Variants in SLC71A2 observed in about 807,000 individuals in gnomAD.
SLC71A2 encodes hippocampus abundant transcript-like 1.
the SLC71A2 span, among the ~76,000 whole-genome samples, chr9:94,445,469 TAAAC>T: frequency 6.6e-6 from 1 of 152,208 alleles, no homozygotes; most frequent in Non-Finnish European, 1.5e-5. Context: ...TCATCCTTTT[TAAAC>T]AAAATAAGTG....
chr9:94,388,692 G>T, the SLC71A2 span, among the ~76,000 whole-genome samples: 2 of 151,820 alleles, frequency 1.3e-5, no homozygotes, highest in Non-Finnish European at 2.9e-5. Flanking sequence ...GTCTGGAAGG[G>T]TTTATACCAA....
chr9:94,434,291 A>G, the SLC71A2 span, among the ~76,000 whole-genome samples: 1 of 152,168 alleles, frequency 6.6e-6, no homozygotes, highest in African/African-American at 2.4e-5. Context: ...GTGGCTGAAT[A>G]GGAAATTTTA....
At chr9:94,432,837 C>G in the SLC71A2 span, 41,969 of 407,450 alleles carry the variant, frequency 0.1, 4,548 homozygotes, top group East Asian at 0.35. Context: ...GGCCAGAGGT[C>G]TTATAACTCC....
At chr9:94,454,041 A>T in the SLC71A2 span, 1 of 1,613,928 alleles carries the variant, frequency 6.2e-7, no homozygotes. Flanking sequence ...TGCTCCAGTT[A>T]GCCTGGTACG....
chr9:94,435,876 C>G, the SLC71A2 span, among the ~76,000 whole-genome samples: 1 of 152,032 alleles, frequency 6.6e-6, no homozygotes, highest in African/African-American at 2.4e-5. Context: ...GTCTTGAACT[C>G]CTGACCTCAG....
At chr9:94,458,400 A>AC in the SLC71A2 span, 2 of 1,614,086 alleles carry the variant, frequency 1.2e-6, no homozygotes, top group Non-Finnish European at 1.7e-6. Flanking sequence ...TTCATATTCT[A>AC]CATGTTCCAT....
At chr9:94,426,880 G>C in the SLC71A2 span, among the ~76,000 whole-genome samples, 1 of 152,070 alleles carries the variant, frequency 6.6e-6, no homozygotes. Flanking sequence ...TGTTGCCCAG[G>C]CTAGAGTGCA....
At chr9:94,440,923 C>T in the SLC71A2 span, 2 of 944,322 alleles carry the variant, frequency 2.1e-6, no homozygotes, top group Non-Finnish European at 3.3e-6. Flanking sequence ...GTCTTTGGCT[C>T]AGGTAATGAA....
At chr9:94,386,304 GTTATC>G in the SLC71A2 span, among the ~76,000 whole-genome samples, 3 of 148,052 alleles carry the variant, frequency 2.0e-5, no homozygotes, top group South Asian at 6.4e-4. Flanking sequence ...CTAATCTGCA[GTTATC>G]TTATTAGGCA....
At chr9:94,459,551 C>A in the SLC71A2 span, 17 of 703,582 alleles carry the variant, frequency 2.4e-5, no homozygotes, top group Non-Finnish European at 3.4e-5. Flanking sequence ...CCACCGCCAT[C>A]ATTCTGCTCA....
the SLC71A2 span, among the ~76,000 whole-genome samples, chr9:94,420,283 A>C: frequency 1.3e-5 from 2 of 152,162 alleles, no homozygotes; most frequent in Non-Finnish European, 2.9e-5. Context: ...TAACTTGACA[A>C]CACTCCAAAT....
chr9:94,410,632 G>T, the SLC71A2 span, among the ~76,000 whole-genome samples: 1 of 152,144 alleles, frequency 6.6e-6, no homozygotes, highest in African/African-American at 2.4e-5. Context: ...AAAATTGACA[G>T]AAGATGAACA....
At chr9:94,427,768 TATCTC>T in the SLC71A2 span, among the ~76,000 whole-genome samples, 1 of 147,648 alleles carries the variant, frequency 6.8e-6, no homozygotes. Context: ...CATAGTCTCT[TATCTC>T]TGATCTGATA....
the SLC71A2 span, chr9:94,438,362 A>C: frequency 1.2e-6 from 2 of 1,613,992 alleles, no homozygotes; most frequent in South Asian, 1.1e-5. Context: ...TTGAGGGATC[A>C]GATTATAAAA....
the SLC71A2 span, among the ~76,000 whole-genome samples, chr9:94,422,473 T>G: frequency 6.6e-6 from 1 of 152,260 alleles, no homozygotes; most frequent in East Asian, 1.9e-4. Context: ...GCTGTTGTAA[T>G]ATTTCTTGTA....
chr9:94,453,977 T>C, the SLC71A2 span: 1 of 1,613,702 alleles, frequency 6.2e-7, no homozygotes, highest in Non-Finnish European at 8.5e-7. Context: ...CTTAGCATCT[T>C]GATGAGATCA....
the SLC71A2 span, chr9:94,438,466 C>A: frequency 6.2e-7 from 1 of 1,613,992 alleles, no homozygotes; most frequent in Non-Finnish European, 8.5e-7. Flanking sequence ...GGAGGAAGCC[C>A]TTTCTCCTCG....
chr9:94,396,272 T>G, the SLC71A2 span, among the ~76,000 whole-genome samples: 1 of 151,166 alleles, frequency 6.6e-6, no homozygotes, highest in African/African-American at 2.4e-5. Context: ...TCCTAGCATT[T>G]TGGGAGGCCG....
the SLC71A2 span, chr9:94,446,732 A>G: frequency 1.5e-6 from 1 of 653,698 alleles, no homozygotes; most frequent in Non-Finnish European, 2.7e-6. Context: ...ATTCATCTTA[A>G]TAGATCAAAA....
Sources: gnomAD v4.1 joint callset for allele counts (sites outside exome capture counted in the v4.1 genomes callset) on GRCh38, gnomAD v4.1.1 for gene constraint, MANE v1.5 for transcripts, NCBI Gene and HGNC (gene_info 2026-07-23, HGNC 2026-07-21) for gene names.